USHBP1: variants seen among roughly 807,000 people sequenced by gnomAD.
The protein encoded by USHBP1 is USH1 protein network component harmonin binding protein 1, also known as harmonin-binding protein USHBP1.
USHBP1 carries 67 observed loss-of-function variants against 76.2 expected under a neutral mutation model. The observed-to-expected ratio is 0.88, with a 90% CI of 0.72 to 1.08. The LOEUF is 1.08. Ranked by LOEUF, USHBP1 falls within the 50% of genes least tolerant of loss-of-function variation. The probability of loss-of-function intolerance (pLI) is 0.00; values close to 1 mark genes in which losing one functional copy is unlikely to be tolerated. For synonymous variants in USHBP1, 322 were observed against 362.2 expected (o/e 0.89, Z 1.26); for missense variants, 931 against 915.0 (o/e 1.02, Z -0.23).
At chr19:17,262,428 G>T in intron 4 of USHBP1, 124 bp downstream of exon 4, 1 of 1,142,820 alleles carries the variant, frequency 8.8e-7, no homozygotes, top group Non-Finnish European at 1.2e-6. Context: ...GATTATAGGT[G>T]TCAGCCACCA....
rs1185645809 is a variant in USHBP1, at chr19:17,255,516, C to T, written c.1561G>A (p.Gly521Ser). The stretch of plus-strand genomic sequence containing the variant: ...TCCAGCAGGAGCACGTGAGCTGGAC[C>T]CAGGGCTCGGAGGGCAGCCTCCCGC... Reference protein sequence around the residue: ...ELREAALRALGPAHVLLLEQL... With the variant: ...ELREAALRALSPAHVLLLEQL... Residue 521 changes from glycine to serine, a missense_variant, in exon 10 of 13, where the codon GGT becomes AGT. Transcript: ENST00000252597. 2.5e-6 allele frequency: 4 copies of T among 1,613,768 alleles called. No individual in the cohort carries two copies. In the African/African-American group the frequency reaches 4.0e-5, roughly 16 times the overall value.
Position 17,258,211 on chromosome 19 carries a change from C to A in USHBP1, c.1220+1G>T, listed in dbSNP as rs144791770. The A allele has an allele frequency of 8.1e-5, 131 of 1,613,468 alleles. No individual in the cohort carries two copies. The highest frequency in any genetic ancestry group is 1.7e-4 in the Admixed American group (10 of 59,976). ...CAGTTCCCAGGGTTCCAGGGGGGTA[C>A]CTTGGCTGTGGATTCTGCTGTGCTC... On this transcript the variant is annotated splice_donor_variant, in intron 8 of 12. Transcript: ENST00000252597. LOFTEE classifies it high-confidence loss of function.
rs1411349016 is a variant in USHBP1, at chr19:17,262,967, C to T, written c.227G>A (p.Gly76Asp). 2 of 1,521,722 alleles carry T rather than the reference C, an allele frequency of 1.3e-6. No homozygotes were observed. The allele number at this position is 1,521,722 out of a possible 1,614,324, so 94.3% of individuals were successfully genotyped here. A position where few individuals can be genotyped will look rare whatever the true frequency, so the allele number is the denominator to read the frequency against. ...GGCTGAGGCCAGTTCCCTGCCAGAGCCCCCATCCATCTTCTTGTCAGTCCT... is the reference window on the plus strand; with the variant it reads ...GGCTGAGGCCAGTTCCCTGCCAGAGTCCCCATCCATCTTCTTGTCAGTCCT... Reference protein sequence around the residue: ...GSRTDKKMDGGSGRELASAPE... With the variant: ...GSRTDKKMDGDSGRELASAPE... The change falls in exon 4 of 13, where the codon GGC (glycine) becomes GAC (aspartate). Residue 76 changes from glycine to aspartate, a missense_variant. Coordinates refer to ENST00000252597, the MANE Select transcript of USHBP1 (RefSeq NM_031941.4).
intron 10 of USHBP1, 85 bp from the exon 11 acceptor site, chr19:17,252,102 C>T (rs1227054454): frequency 1.6e-6 from 2 of 1,239,832 alleles, no homozygotes; most frequent in East Asian, 5.1e-5. Flanking sequence ...GCTGCCCAGA[C>T]AGTGGCAGCT....
In USHBP1 at chr19:17,262,845, C is replaced by CG. The variant is rs1442016307; in HGVS notation, c.348dup (p.Asp117ArgfsTer73). On this transcript the variant is annotated frameshift_variant, in exon 4 of 13. Coordinates refer to ENST00000252597, the MANE Select transcript of USHBP1 (RefSeq NM_031941.4). LOFTEE classifies it high-confidence loss of function. ...GTGTGCTGGAGGGTCTGAAACACATCGGGGGCCCCATTCCCAGGGGGCACA... is the reference window on the plus strand; with the variant it reads ...GTGTGCTGGAGGGTCTGAAACACATCGGGGGGCCCCATTCCCAGGGGGCACA... The CG allele has an allele frequency of 7.4e-6, 12 of 1,613,314 alleles. No homozygotes were observed. The Admixed American group carries it at 1.3e-4, about 18-fold the overall frequency.
intron 8 of USHBP1, 129 bp downstream of exon 8, chr19:17,258,083 G>A: frequency 7.8e-7 from 1 of 1,285,980 alleles, no homozygotes; most frequent in African/African-American, 1.5e-5. Context: ...CAACTACAGT[G>A]AGCTCCATAC....
intron 11 of USHBP1, 81 bp from the exon 12 acceptor site, chr19:17,251,785 G>A: frequency 6.3e-7 from 1 of 1,595,958 alleles, no homozygotes; most frequent in Non-Finnish European, 8.5e-7. Flanking sequence ...CCTGCCCACA[G>A]TATTGTCATG....
chr19:17,263,062 GAGTCTCACTC>G, intron 3 of USHBP1, 72 bp from the exon 4 acceptor site: 1 of 1,444,694 alleles, frequency 6.9e-7, no homozygotes. Flanking sequence ...TTTTGAGACG[GAGTCTCACTC>G]TGTTGCCCAG....
At chr19:17,260,413 T>C (rs768015549) in intron 4 of USHBP1, among the ~76,000 whole-genome samples, 3 of 152,206 alleles carry the variant, frequency 2.0e-5, no homozygotes, top group Non-Finnish European at 2.9e-5. Context: ...CACTGCAACC[T>C]CTGCCTCCCG....
rs571584943 is a variant in USHBP1 at position 17,262,422 on chromosome 19, A to G, written c.642+130T>C. 9.9e-5 allele frequency: 104 copies of G among 1,054,172 alleles called. 2 individuals are homozygous for G. The South Asian group carries it at 1.7e-3, about 17-fold the overall frequency. 65.3% of individuals were successfully genotyped at this position (1,054,172 alleles called of 1,614,324 possible). A position where few individuals can be genotyped will look rare whatever the true frequency, so the allele number is the denominator to read the frequency against. ...CTCCACCTCCCAAAGTGCTGGGATT[A>G]TAGGTGTCAGCCACCACACCCAGCC... On this transcript the variant is annotated intron_variant, in intron 4 of 12. Coordinates refer to ENST00000252597, the MANE Select transcript of USHBP1 (RefSeq NM_031941.4).
At chr19:17,254,264 G>A (rs983368055) in intron 10 of USHBP1, among the ~76,000 whole-genome samples, 5 of 147,836 alleles carry the variant, frequency 3.4e-5, no homozygotes, top group Non-Finnish European at 4.5e-5. Flanking sequence ...GGAGAATGGC[G>A]TGAACCCGGG....
chr19:17,259,428 T>C lies in USHBP1; in HGVS notation c.907A>G (p.Ser303Gly). The C allele has an allele frequency of 2.5e-6, 4 of 1,613,988 alleles. No individual in the cohort carries two copies. Among genetic ancestry groups the C allele is most frequent in the Non-Finnish European group, 2.5e-6 (3 of 1,179,978 alleles). ...MEAQMEQLRG[S>G]IEKLKCFNRL... ...TTAAAGCATTTGAGCTTCTCAATGC[T>C]CCTGTTCCCGAAGGTGGGGAAGAGG... is the stretch of plus-strand genomic sequence containing the variant. Residue 303 changes from serine (S) to glycine (G), a missense_variant and splice_region_variant, in exon 7 of 13, where the codon AGC becomes GGC. Transcript: ENST00000252597.
chr19:17,258,153 TC>T, intron 8 of USHBP1, 58 bp downstream of exon 8: 1 of 1,603,160 alleles, frequency 6.2e-7, no homozygotes. Flanking sequence ...GGGAGCCCCA[TC>T]CCCCAGTCAA....
intron 1 of USHBP1, 129 bp from the exon 2 acceptor site, chr19:17,264,476 G>A: frequency 1.4e-6 from 1 of 738,608 alleles, no homozygotes; most frequent in Non-Finnish European, 2.1e-6. Flanking sequence ...ATGTTGATTG[G>A]GCAGATTTGA....
At chr19:17,263,316 G>T (rs1299093830) in intron 3 of USHBP1, 2 of 213,718 alleles carry the variant, frequency 9.4e-6, no homozygotes, top group Non-Finnish European at 1.9e-5. Context: ...GGGATTATAG[G>T]CATGAGCCAC....
At position 17,256,682 on chromosome 19, in the gene USHBP1, T is replaced by G; in HGVS notation, c.1259A>C (p.Glu420Ala). The G allele has an allele frequency of 6.2e-7, 1 of 1,614,166 alleles. No individual in the cohort carries two copies. Among genetic ancestry groups the G allele is most frequent in the Non-Finnish European group, 8.5e-7 (1 of 1,180,028 alleles). The change falls in exon 9 of 13, where the codon GAA becomes GCA. Residue 420 changes from glutamate (E) to alanine (A), a missense_variant. Glu to Ala is a moderately radical substitution (Grantham distance 107, BLOSUM62 -1). Coordinates refer to ENST00000252597, the MANE Select transcript of USHBP1 (RefSeq NM_031941.4). ...ATAGCTTCGGAGCTGGAAAGCCACT[T>G]CCTGTGGGGTGGGCTTATCCACACT... ...GSSVDKPTPQEVAFQLRSYVQ... is the reference protein window; with the variant it reads ...GSSVDKPTPQAVAFQLRSYVQ...
chr19:17,259,164 C>CAA, intron 7 of USHBP1, 125 bp downstream of exon 7: 46 of 1,086,280 alleles, frequency 4.2e-5, no homozygotes, highest in Non-Finnish European at 4.3e-5. Context: ...GATTCTGTCT[C>CAA]AAAAAAAAAA....
At chr19:17,255,692 A>T (rs2073611412) in intron 9 of USHBP1, 86 bp from the exon 10 acceptor site, 33 of 1,384,210 alleles carry the variant, frequency 2.4e-5, no homozygotes, top group Non-Finnish European at 2.7e-5. Context: ...CCCACTGAGG[A>T]CTATTCAGAC....
chr19:17,263,886 T>G (rs1012867104), intron 3 of USHBP1, 116 bp downstream of exon 3: 6 of 1,345,752 alleles, frequency 4.5e-6, no homozygotes, highest in Non-Finnish European at 4.9e-6. Flanking sequence ...AAAGTCAGGC[T>G]GAAGGCAATA....
Sources: gnomAD v4.1 joint callset for allele counts (sites outside exome capture counted in the v4.1 genomes callset) on GRCh38, gnomAD v4.1.1 for gene constraint, MANE v1.5 for transcripts, NCBI Gene and HGNC (gene_info 2026-07-23, HGNC 2026-07-21) for gene names.